The following GLCCI1 variants were observed in gnomAD, a reference collection of about 807,000 sequenced individuals.
GLCCI1 encodes the protein glucocorticoid-induced transcript 1 protein.
Under a neutral mutation model 52.2 loss-of-function variants are expected in GLCCI1, and 24 were observed. The observed-to-expected ratio is 0.46, with a 90% CI of 0.33 to 0.65. The LOEUF (loss-of-function observed/expected upper bound fraction) is 0.65, where lower values mean the gene tolerates loss of function less well. Among genes scored for constraint, GLCCI1 ranks in the 30% least tolerant of loss-of-function variants. The pLI is 0.02. For synonymous variants in GLCCI1, 310 were observed against 276.5 expected, an observed-to-expected ratio of 1.12 and a Z score of -1.20; for missense variants, 704 against 701.5, an observed-to-expected ratio of 1.00 and a Z score of -0.04.
chr7:8,057,754 T>C (rs1267535552), intron 4 of GLCCI1, among the ~76,000 whole-genome samples: 3 of 152,196 alleles, frequency 2.0e-5, no homozygotes, highest in Admixed American at 1.3e-4. Flanking sequence ...AATTAACATA[T>C]TGTTTGTTTC....
intron 2 of GLCCI1, among the ~76,000 whole-genome samples, chr7:8,022,112 GT>G (rs1562431377): frequency 6.6e-6 from 1 of 151,960 alleles, no homozygotes; most frequent in African/African-American, 2.4e-5. Flanking sequence ...AGATACTTTT[GT>G]TCATTTTACC....
intron 3 of GLCCI1, among the ~76,000 whole-genome samples, chr7:8,023,216 T>C (rs1452406097): frequency 1.3e-5 from 2 of 152,076 alleles, no homozygotes; most frequent in South Asian, 2.1e-4. Flanking sequence ...ACGGTTTCAC[T>C]GTGTTAGCCA....
In GLCCI1 at chr7:8,088,626, C is replaced by T. The variant is rs1170863998; in HGVS notation, c.*2088C>T. The stretch of plus-strand genomic sequence containing the variant: ...CATTACATAATATGTTGATCTTACA[C>T]TCTGCTTTTGTCCAAATAAAATGCA... On this transcript the variant is annotated 3_prime_UTR_variant, in exon 8 of 8. Coordinates refer to ENST00000223145, the MANE Select transcript of GLCCI1 (RefSeq NM_138426.4). The T allele has an allele frequency of 6.6e-6, 1 of 152,592 alleles. No homozygotes were observed. Among genetic ancestry groups the T allele is most frequent in the Non-Finnish European group, 1.5e-5 (1 of 68,032 alleles). 9.5% of individuals were successfully genotyped at this position (152,592 alleles called of 1,614,324 possible).
At chr7:8,018,398 A>T (rs1432040905) in intron 2 of GLCCI1, among the ~76,000 whole-genome samples, 1 of 152,186 alleles carries the variant, frequency 6.6e-6, no homozygotes, top group African/African-American at 2.4e-5. Context: ...GGCCCTTTCT[A>T]GTTAGTGAAT....
intron 3 of GLCCI1, among the ~76,000 whole-genome samples, chr7:8,039,118 G>C (rs961750555): frequency 3.3e-5 from 5 of 152,096 alleles, no homozygotes; most frequent in African/African-American, 1.2e-4. Flanking sequence ...ATAGTTGTTG[G>C]TGAGGAAAAG....
rs888826640 is a variant in GLCCI1 at position 7,968,875 on chromosome 7, G to A, written c.-476G>A. The A allele has an allele frequency of 1.3e-5, 2 of 158,532 alleles. No individual in the cohort carries two copies. Among genetic ancestry groups the A allele is most frequent in the South Asian group, 1.6e-4 (1 of 6,284 alleles). The allele number at this position is 158,532 out of a possible 1,614,324, so 9.8% of individuals were successfully genotyped here. A position where few individuals can be genotyped will look rare whatever the true frequency, so the allele number is the denominator to read the frequency against. ...TGCGGTGGCGCGGACTCCGAGGAGCGCCAGCACCTCGAGGCCCTTTCTCTC... is the reference window on the plus strand; with the variant it reads ...TGCGGTGGCGCGGACTCCGAGGAGCACCAGCACCTCGAGGCCCTTTCTCTC... On this transcript the variant is annotated 5_prime_UTR_variant, in exon 1 of 8. Transcript: ENST00000223145.
intron 6 of GLCCI1, among the ~76,000 whole-genome samples, chr7:8,073,714 T>TG (rs1251385739): frequency 2.4e-4 from 36 of 152,228 alleles, no homozygotes; most frequent in African/African-American, 8.4e-4. Context: ...TGCTTAATAG[T>TG]GATTTTTTTA....
At chr7:8,021,331 T>G (rs1781481687) in intron 2 of GLCCI1, among the ~76,000 whole-genome samples, 1 of 152,196 alleles carries the variant, frequency 6.6e-6, no homozygotes, top group Non-Finnish European at 1.5e-5. Flanking sequence ...ATCATTGCCC[T>G]TTAAGTAGTG....
At chr7:8,085,127 C>G in intron 7 of GLCCI1, 110 bp downstream of exon 7, 1 of 1,222,368 alleles carries the variant, frequency 8.2e-7, no homozygotes, top group Non-Finnish European at 1.1e-6. Context: ...TAATGTGTTT[C>G]AAGAGCAAAT....
At chr7:8,002,422 C>T (rs1004996230) in intron 1 of GLCCI1, among the ~76,000 whole-genome samples, 1 of 152,072 alleles carries the variant, frequency 6.6e-6, no homozygotes, top group Non-Finnish European at 1.5e-5. Flanking sequence ...GAAATGGGTT[C>T]CATTAGATTC....
intron 1 of GLCCI1, among the ~76,000 whole-genome samples, chr7:7,989,241 C>T (rs1473317087): frequency 6.6e-6 from 1 of 151,804 alleles, no homozygotes; most frequent in Non-Finnish European, 1.5e-5. Flanking sequence ...AGGTAGTCCA[C>T]TAGCTGATGC....
intron 1 of GLCCI1, among the ~76,000 whole-genome samples, chr7:7,995,774 A>G (rs996468592): frequency 6.6e-6 from 1 of 152,182 alleles, no homozygotes; most frequent in Non-Finnish European, 1.5e-5. Flanking sequence ...GTGGGGAGGG[A>G]TAGCATTAGG....
intron 2 of GLCCI1, among the ~76,000 whole-genome samples, chr7:8,005,709 C>A (rs1394601583): frequency 6.6e-6 from 1 of 152,058 alleles, no homozygotes; most frequent in African/African-American, 2.4e-5. Context: ...GGTAGCTATT[C>A]TTTTTAGATT....
intron 1 of GLCCI1, among the ~76,000 whole-genome samples, chr7:7,973,456 T>G (rs7793278): frequency 0.11 from 17,146 of 150,108 alleles, 1,259 homozygotes; most frequent in African/African-American, 0.2. Flanking sequence ...TAAAGATAGA[T>G]CATTAGGATT....
chr7:8,080,188 A>G (rs1163273142), intron 6 of GLCCI1, among the ~76,000 whole-genome samples: 1 of 151,522 alleles, frequency 6.6e-6, no homozygotes, highest in East Asian at 1.9e-4. Context: ...AAACCCCATT[A>G]TAGTTGATAA....
At chr7:8,026,811 A>AAGAC (rs1781631633) in intron 3 of GLCCI1, among the ~76,000 whole-genome samples, 1 of 152,080 alleles carries the variant, frequency 6.6e-6, no homozygotes, top group Admixed American at 6.6e-5. Context: ...AGAGACAGAC[A>AAGAC]AGACAGACAG....
chr7:8,074,684 CA>C (rs894543681), intron 6 of GLCCI1, among the ~76,000 whole-genome samples: 24 of 151,720 alleles, frequency 1.6e-4, no homozygotes, highest in African/African-American at 4.3e-4. Context: ...GAGTCCATCT[CA>C]AAAAAAAGAT....
chr7:8,084,827 C>CTG, intron 6 of GLCCI1, 70 bp from the exon 7 acceptor site: 2 of 1,532,680 alleles, frequency 1.3e-6, no homozygotes, highest in South Asian at 2.3e-5. Context: ...GTGCAAAAGG[C>CTG]TGTTTGTTTG....
chr7:8,012,045 G>A (rs1277406273), intron 2 of GLCCI1, among the ~76,000 whole-genome samples: 1 of 151,928 alleles, frequency 6.6e-6, no homozygotes, highest in Non-Finnish European at 1.5e-5. Context: ...TCAATCTCTC[G>A]ACCTTGTGAT....
Sources: gnomAD v4.1 joint callset for allele counts (sites outside exome capture counted in the v4.1 genomes callset) on GRCh38, gnomAD v4.1.1 for gene constraint, MANE v1.5 for transcripts, NCBI Gene and HGNC (gene_info 2026-07-23, HGNC 2026-07-21) for gene names.